The following FBXO11 variants were observed in gnomAD, a reference collection of about 807,000 sequenced individuals.
FBXO11 encodes the protein F-box only protein 11.
A neutral mutation model predicts 117.0 loss-of-function variants in FBXO11; 13 were observed. That is an observed-to-expected ratio of 0.11 (90% CI 0.07 to 0.18). The LOEUF (loss-of-function observed/expected upper bound fraction) is 0.18, where lower values mean the gene tolerates loss of function less well. Ranked by LOEUF, FBXO11 falls within the 10% of genes least tolerant of loss-of-function variation. The pLI is 1.00. For missense variants in FBXO11, 767 were observed against 1,164.4 expected, an observed-to-expected ratio of 0.66 and a Z score of 4.97; for synonymous variants, 490 against 380.5, an observed-to-expected ratio of 1.29 and a Z score of -3.35.
chr2:47,843,431 CTTT>C (rs201381675), intron 1 of FBXO11, among the ~76,000 whole-genome samples: 5 of 138,928 alleles, frequency 3.6e-5, no homozygotes, highest in Admixed American at 7.3e-5. Context: ...TGTAGTTAAT[CTTT>C]TTTTTTTTTT....
At chr2:47,868,322 T>G (rs921573058) in intron 1 of FBXO11, among the ~76,000 whole-genome samples, 3 of 151,010 alleles carry the variant, frequency 2.0e-5, no homozygotes, top group South Asian at 4.2e-4. Context: ...CAAGACTATG[T>G]GAAATCTCTG....
chr2:47,841,815 T>C (rs1673030443), intron 1 of FBXO11, among the ~76,000 whole-genome samples: 1 of 151,484 alleles, frequency 6.6e-6, no homozygotes, highest in African/African-American at 2.4e-5. Context: ...TAACTTTTTG[T>C]ATTTTGGTAG....
intron 1 of FBXO11, chr2:47,883,643 G>C (rs773115178): frequency 2.3e-4 from 72 of 306,420 alleles, no homozygotes; most frequent in Non-Finnish European, 3.6e-4. Context: ...ACATTCAAAA[G>C]GAGTCTACTC....
intron 1 of FBXO11, chr2:47,883,574 G>A: frequency 8.9e-6 from 3 of 335,918 alleles, no homozygotes; most frequent in African/African-American, 2.1e-5. Flanking sequence ...GTCTGGATCG[G>A]CAAACACTGA....
At chr2:47,900,353 G>A (rs551782267) in intron 1 of FBXO11, among the ~76,000 whole-genome samples, 5 of 152,030 alleles carry the variant, frequency 3.3e-5, no homozygotes, top group Non-Finnish European at 5.9e-5. Flanking sequence ...CCTAAAACAG[G>A]AAAAATCATG....
chr2:47,820,846 C>A (rs543027785), intron 13 of FBXO11, among the ~76,000 whole-genome samples: 1 of 152,218 alleles, frequency 6.6e-6, no homozygotes, highest in African/African-American at 2.4e-5. Context: ...TAAGATGCTC[C>A]GCAGAGTGCC....
chr2:47,878,292 T>C (rs1251902269), intron 1 of FBXO11, among the ~76,000 whole-genome samples: 1 of 152,202 alleles, frequency 6.6e-6, no homozygotes, highest in Non-Finnish European at 1.5e-5. Flanking sequence ...GGCATCTTCC[T>C]GCCTGCAAAA....
chr2:47,899,495 A>G (rs1444692990), intron 1 of FBXO11, among the ~76,000 whole-genome samples: 1 of 152,176 alleles, frequency 6.6e-6, no homozygotes, highest in Non-Finnish European at 1.5e-5. Context: ...TCTATAAGGC[A>G]GGTGTGATTC....
Position 47,906,427 on chromosome 2 carries a change from CT to C in FBXO11, c.-708del, listed in dbSNP as rs1267377449. Among the ~76,000 whole-genome samples the C allele has an allele frequency of 1.3e-5, 2 of 152,190 alleles. No homozygotes were observed. The highest frequency in any genetic ancestry group is 4.8e-5 in the African/African-American group (2 of 41,454). ...CCTTTCCTCCTCCTCCTCGTCAGCC[CT>C]GTCGCCGCTGCTTCTGCTGCTGCTC... On this transcript the variant is annotated 5_prime_UTR_variant, in exon 1 of 23. An upstream open reading frame in the 5' UTR loses its in-frame stop. Transcript: ENST00000403359.
At chr2:47,897,271 G>C (rs1301158679) in intron 1 of FBXO11, among the ~76,000 whole-genome samples, 1 of 152,160 alleles carries the variant, frequency 6.6e-6, no homozygotes, top group Non-Finnish European at 1.5e-5. Flanking sequence ...AAGAATTATT[G>C]TATCTAAACC....
intron 1 of FBXO11, among the ~76,000 whole-genome samples, chr2:47,900,905 T>TGTATATATATACACGTATATATACACAC (rs1558487737): frequency 1.6e-5 from 2 of 128,608 alleles, no homozygotes; most frequent in African/African-American, 2.9e-5. Flanking sequence ...TATACACACA[T>TGTATATATATACACGTATATATACACAC]ATATATGTAT....
chr2:47,904,587 C>A (rs1259078097), intron 1 of FBXO11, among the ~76,000 whole-genome samples: 2 of 14,998 alleles, frequency 1.3e-4, no homozygotes, highest in East Asian at 4.9e-3. Flanking sequence ...CGCAAACACA[C>A]ACACACACAC....
At chr2:47,856,294 A>G (rs1042221097) in intron 1 of FBXO11, among the ~76,000 whole-genome samples, 2 of 152,252 alleles carry the variant, frequency 1.3e-5, no homozygotes, top group Non-Finnish European at 2.9e-5. Flanking sequence ...AATCTTCTCC[A>G]CAATCTTTCT....
chr2:47,814,721 AGACT>A (rs1250719563), intron 16 of FBXO11, among the ~76,000 whole-genome samples: 1 of 152,182 alleles, frequency 6.6e-6, no homozygotes, highest in Non-Finnish European at 1.5e-5. Flanking sequence ...TTTGCCACAT[AGACT>A]GACTCTTCCT....
chr2:47,865,376 T>C (rs1397303323), intron 1 of FBXO11, among the ~76,000 whole-genome samples: 4 of 152,240 alleles, frequency 2.6e-5, no homozygotes, highest in South Asian at 2.1e-4. Flanking sequence ...TTCTGAGATA[T>C]GTTCTAAAAG....
intron 1 of FBXO11, among the ~76,000 whole-genome samples, chr2:47,880,952 T>TA (rs1676383173): frequency 6.8e-6 from 1 of 148,144 alleles, no homozygotes; most frequent in Admixed American, 6.6e-5. Context: ...ATTAATATCT[T>TA]TTTTAAGAAA....
chr2:47,863,371 T>G (rs1232915125), intron 1 of FBXO11, among the ~76,000 whole-genome samples: 1 of 152,222 alleles, frequency 6.6e-6, no homozygotes, highest in East Asian at 1.9e-4. Context: ...AAATATACTT[T>G]AATGTCTACA....
At chr2:47,882,618 T>C (rs1456083910) in intron 1 of FBXO11, among the ~76,000 whole-genome samples, 1 of 152,216 alleles carries the variant, frequency 6.6e-6, no homozygotes, top group African/African-American at 2.4e-5. Flanking sequence ...TTGGGGCTAG[T>C]CTGCTTCTTG....
rs1670324334 is a variant in FBXO11, at chr2:47,807,742, A to G, written c.*376T>C. ...CATATTACAAAAGCAATTGGTACCC[A>G]TGTCCATAAAGGCAGCAACAAAGCT... On this transcript the variant is annotated 3_prime_UTR_variant, in exon 23 of 23. Coordinates refer to ENST00000403359, the MANE Select transcript of FBXO11 (RefSeq NM_001190274.2). 1 of 242,822 alleles carries G rather than the reference A, an allele frequency of 4.1e-6. No individual in the cohort carries two copies. 15.0% of individuals were successfully genotyped at this position (242,822 alleles called of 1,614,324 possible). A position where few individuals can be genotyped will look rare whatever the true frequency, so the allele number is the denominator to read the frequency against.
Sources: allele counts gnomAD v4.1 joint callset (sites outside exome capture counted in the v4.1 genomes callset), GRCh38; gene constraint gnomAD v4.1.1; transcripts MANE v1.5; gene names NCBI Gene and HGNC (gene_info 2026-07-23, HGNC 2026-07-21).